Variants in BCAS4 observed in about 807,000 individuals in gnomAD.
BCAS4 encodes breast carcinoma amplified sequence 4.
Under a neutral mutation model 15.7 loss-of-function variants are expected in BCAS4, and 9 were observed. The ratio of observed to expected loss-of-function variants is 0.57; its 90% CI spans 0.34 to 1.00. BCAS4 has a LOEUF of 1.00. BCAS4 is among the 50% of genes least tolerant of loss of function. BCAS4 has a pLI of 0.02. For synonymous variants in BCAS4, 101 were observed against 99.5 expected, an observed-to-expected ratio of 1.02 and a Z score of -0.09; for missense variants, 225 against 239.1, an observed-to-expected ratio of 0.94 and a Z score of 0.39.
intron 4 of BCAS4, among the ~76,000 whole-genome samples, chr20:50,847,943 G>T (rs2088566631): frequency 6.6e-6 from 1 of 152,144 alleles, no homozygotes; most frequent in Non-Finnish European, 1.5e-5. Flanking sequence ...TACTCAGGAG[G>T]TGGAAGGATC....
intron 1 of BCAS4, among the ~76,000 whole-genome samples, chr20:50,803,518 A>G (rs905714214): frequency 6.6e-6 from 1 of 152,200 alleles, no homozygotes; most frequent in African/African-American, 2.4e-5. Flanking sequence ...CAAACTTTAC[A>G]AACTTTGGCA....
chr20:50,854,888 A>G (rs60814981), intron 4 of BCAS4, among the ~76,000 whole-genome samples: 40,070 of 152,176 alleles, frequency 0.26, 6,619 homozygotes, highest in African/African-American at 0.47. Context: ...GTCGGCCACC[A>G]TGGATCTCGC....
downstream of BCAS4, chr20:50,878,946 C>T (rs1980059319): frequency 6.6e-6 from 1 of 151,516 alleles, no homozygotes; most frequent in African/African-American, 2.4e-5. Flanking sequence ...CCATACCCAC[C>T]CCCACCCCAG....
At chr20:50,839,194 G>A (rs1176471699) in intron 3 of BCAS4, among the ~76,000 whole-genome samples, 3 of 152,232 alleles carry the variant, frequency 2.0e-5, no homozygotes, top group East Asian at 3.8e-4. Context: ...GTGCTGCCTT[G>A]TCTGAGATGG....
At chr20:50,839,202 T>C (rs955228738) in intron 3 of BCAS4, among the ~76,000 whole-genome samples, 3 of 152,218 alleles carry the variant, frequency 2.0e-5, no homozygotes, top group African/African-American at 7.2e-5. Flanking sequence ...TTGTCTGAGA[T>C]GGCACTGTAG....
chr20:50,809,206 AT>A (rs57620086), intron 1 of BCAS4, among the ~76,000 whole-genome samples: 32,057 of 146,698 alleles, frequency 0.22, 4,690 homozygotes, highest in African/African-American at 0.43. Flanking sequence ...TATTTTTTTA[AT>A]TTTTTTTTTT....
intron 1 of BCAS4, among the ~76,000 whole-genome samples, chr20:50,814,973 A>C (rs2123768497): frequency 6.6e-6 from 1 of 152,196 alleles, no homozygotes; most frequent in South Asian, 2.1e-4. Flanking sequence ...AAAAGAGAGA[A>C]AGCGAGCTAT....
chr20:50,869,494 G>A (rs1198485163), intron 4 of BCAS4, among the ~76,000 whole-genome samples: 4 of 152,142 alleles, frequency 2.6e-5, no homozygotes, highest in Non-Finnish European at 4.4e-5. Flanking sequence ...CCTGTTCTGG[G>A]CAAGCCAGGA....
At chr20:50,803,854 C>T (rs2087958765) in intron 1 of BCAS4, among the ~76,000 whole-genome samples, 1 of 151,540 alleles carries the variant, frequency 6.6e-6, no homozygotes, top group Non-Finnish European at 1.5e-5. Flanking sequence ...TGCCCCCATC[C>T]CTGAGTATTC....
In BCAS4 at chr20:50,853,139, AT is replaced by A. The variant is rs35651267; in HGVS notation, c.399+11262del. ...AATGCAGCTAACAACATCCCCTTTC[AT>A]TTTTTTTTTTTTTTTTTTTTTTGAG... On this transcript the variant is annotated intron_variant, in intron 4 of 4. Coordinates refer to ENST00000371608, the MANE Select transcript of BCAS4 (RefSeq NM_198799.4). Among the ~76,000 whole-genome samples, 1,001 of 106,892 alleles carry A rather than the reference AT, an allele frequency of 9.4e-3. 8 individuals are homozygous for A. Among genetic ancestry groups the A allele is most frequent in the African/African-American group, 0.032 (803 of 25,462 alleles). The allele number at this position is 106,892 out of a possible 152,430, so 70.1% of individuals were successfully genotyped here.
At chr20:50,822,755 C>T (rs2123781415) in intron 2 of BCAS4, among the ~76,000 whole-genome samples, 1 of 151,770 alleles carries the variant, frequency 6.6e-6, no homozygotes, top group African/African-American at 2.4e-5. Flanking sequence ...CGTGCCCCAG[C>T]AGCTGGGATT....
intron 2 of BCAS4, among the ~76,000 whole-genome samples, chr20:50,820,058 G>A (rs1337914594): frequency 3.0e-5 from 3 of 99,472 alleles, no homozygotes; most frequent in Admixed American, 2.0e-4. Flanking sequence ...GACCAGGCTG[G>A]TCTTGAACTG....
intron 1 of BCAS4, among the ~76,000 whole-genome samples, chr20:50,808,119 A>G (rs1441004622): frequency 4.0e-5 from 6 of 151,630 alleles, no homozygotes; most frequent in East Asian, 3.9e-4. Context: ...TCACCATGTT[A>G]GCCAGGATGG....
chr20:50,871,918 T>TG (rs920895705), intron 4 of BCAS4, among the ~76,000 whole-genome samples: 1 of 151,666 alleles, frequency 6.6e-6, no homozygotes, highest in Non-Finnish European at 1.5e-5. Context: ...GTGGGGGAGG[T>TG]GGGGAGCTGC....
intron 3 of BCAS4, among the ~76,000 whole-genome samples, chr20:50,835,868 A>G (rs1600872099): frequency 1.3e-5 from 2 of 152,090 alleles, no homozygotes; most frequent in South Asian, 4.1e-4. Context: ...GTGAGGTCCC[A>G]AGAGGGCCAT....
chr20:50,869,060 A>G (rs890311804), intron 4 of BCAS4, among the ~76,000 whole-genome samples: 2 of 152,248 alleles, frequency 1.3e-5, no homozygotes, highest in African/African-American at 2.4e-5. Flanking sequence ...TGCTCCAGGC[A>G]GGACTCAGCG....
intron 4 of BCAS4, among the ~76,000 whole-genome samples, chr20:50,870,400 G>A (rs1337371736): frequency 6.6e-6 from 1 of 152,176 alleles, no homozygotes; most frequent in Admixed American, 6.5e-5. Flanking sequence ...GTTCTGACTG[G>A]GGGGCTTCAG....
chr20:50,878,782 C>T (rs6096151), downstream of BCAS4: 75,884 of 151,880 alleles, frequency 0.5, 21,571 homozygotes, highest in African/African-American at 0.79. Context: ...TGGCACAAAC[C>T]TTTATTGAAG....
chr20:50,877,429 T>G (rs1980012314), downstream of BCAS4: 1 of 152,276 alleles, frequency 6.6e-6, no homozygotes, highest in South Asian at 2.1e-4. Flanking sequence ...TTTCCTGCTA[T>G]TGTCCTAACA....
Sources: allele counts gnomAD v4.1 joint callset (sites outside exome capture counted in the v4.1 genomes callset), GRCh38; gene constraint gnomAD v4.1.1; transcripts MANE v1.5; gene names NCBI Gene and HGNC (gene_info 2026-07-23, HGNC 2026-07-21).